SEMA6A: variants seen among roughly 807,000 people sequenced by gnomAD.
The protein encoded by SEMA6A is semaphorin-6A.
In SEMA6A, 25 loss-of-function variants were observed where a neutral mutation model predicts 96.8. The ratio of observed to expected loss-of-function variants is 0.26; its 90% CI spans 0.19 to 0.36. The LOEUF (loss-of-function observed/expected upper bound fraction) is 0.36. Ranked by LOEUF, SEMA6A falls within the 10% of genes least tolerant of loss-of-function variation. The pLI, the probability that SEMA6A is intolerant of heterozygous loss-of-function variation, is 1.00. For synonymous variants in SEMA6A, 612 were observed against 518.0 expected, an observed-to-expected ratio of 1.18 and a Z score of -2.46; for missense variants, 1,363 against 1,323.1, an observed-to-expected ratio of 1.03 and a Z score of -0.47.
At chr5:116,505,922 C>T (rs1758124885) in intron 1 of SEMA6A, among the ~76,000 whole-genome samples, 1 of 150,706 alleles carries the variant, frequency 6.6e-6, no homozygotes, top group Admixed American at 6.6e-5. Context: ...TCACTTAATT[C>T]TCAGGCATAT....
intron 1 of SEMA6A, among the ~76,000 whole-genome samples, chr5:116,514,607 T>C (rs973243889): frequency 6.6e-6 from 1 of 152,198 alleles, no homozygotes; most frequent in Non-Finnish European, 1.5e-5. Flanking sequence ...TTGCCGAATG[T>C]AGGACAGCTC....
chr5:116,573,974 C>A (rs1761354240), intron 1 of SEMA6A, among the ~76,000 whole-genome samples: 1 of 151,642 alleles, frequency 6.6e-6, no homozygotes, highest in South Asian at 2.1e-4. Context: ...TGGAGCCGGA[C>A]GCACTCTGGG....
At chr5:116,535,978 TTCTACTGACTCAAA>T (rs1759689265) in intron 1 of SEMA6A, among the ~76,000 whole-genome samples, 1 of 152,216 alleles carries the variant, frequency 6.6e-6, no homozygotes, top group South Asian at 2.1e-4. Flanking sequence ...GTCAACTCAA[TTCTACTGACTCAAA>T]AGGAAATGGT....
chr5:116,488,860 A>T, intron 8 of SEMA6A, 28 bp downstream of exon 8: 1 of 1,542,668 alleles, frequency 6.5e-7, no homozygotes, highest in Non-Finnish European at 8.8e-7. Flanking sequence ...CTCCCCTCCG[A>T]CCCTCCTTCT....
At chr5:116,472,827 T>A (rs1212429601) in intron 17 of SEMA6A, 1 of 1,298,748 alleles carries the variant, frequency 7.7e-7, no homozygotes, top group Non-Finnish European at 1.0e-6. Flanking sequence ...AACTATAAAC[T>A]ACTGCTGGAT....
intron 1 of SEMA6A, among the ~76,000 whole-genome samples, chr5:116,533,257 CTTT>C (rs77196415): frequency 2.8e-5 from 4 of 140,886 alleles, no homozygotes; most frequent in African/African-American, 2.6e-5. Context: ...TTTGTTTTTC[CTTT>C]TTTTTTTTTT....
intron 1 of SEMA6A, among the ~76,000 whole-genome samples, chr5:116,561,545 C>A (rs1760817947): frequency 6.6e-6 from 1 of 152,238 alleles, no homozygotes; most frequent in Non-Finnish European, 1.5e-5. Flanking sequence ...TGATGACATG[C>A]ATTGTCCTAT....
At chr5:116,472,693 C>T (rs1411606490) in intron 17 of SEMA6A, 4 of 499,958 alleles carry the variant, frequency 8.0e-6, no homozygotes, top group Non-Finnish European at 1.4e-5. Context: ...AGGACTCAGT[C>T]TCCCACATCA....
rs142084427 is a variant in SEMA6A at position 116,503,128 on chromosome 5, C to T, written c.101-801G>A. ...CTCAACATCTCTGCCTTTACACCTA[C>T]GATCTCCAGAGCACTGGCGAGCCTC... On this transcript the variant is annotated intron_variant, in intron 2 of 18. Transcript: ENST00000343348. Among the ~76,000 whole-genome samples, 209 of 152,240 alleles carry T rather than the reference C, an allele frequency of 1.4e-3. 2 individuals are homozygous for T. Among genetic ancestry groups the T allele is most frequent in the South Asian group, 9.5e-3 (46 of 4,822 alleles).
chr5:116,458,826 T>C (rs1335024071), intron 18 of SEMA6A, among the ~76,000 whole-genome samples: 2 of 152,106 alleles, frequency 1.3e-5, no homozygotes, highest in African/African-American at 4.8e-5. Context: ...TTATATCAAA[T>C]CTACATCTAT....
At chr5:116,473,750 C>T (rs907148346) in intron 16 of SEMA6A, among the ~76,000 whole-genome samples, 1 of 152,172 alleles carries the variant, frequency 6.6e-6, no homozygotes, top group Non-Finnish European at 1.5e-5. Flanking sequence ...GAAATCCTCC[C>T]TGAATACCTA....
chr5:116,514,155 C>A (rs990316727), intron 1 of SEMA6A, among the ~76,000 whole-genome samples: 1 of 152,122 alleles, frequency 6.6e-6, no homozygotes, highest in Admixed American at 6.5e-5. Flanking sequence ...TACCCAGTAA[C>A]GAGATTGCTG....
chr5:116,497,208 A>C, intron 4 of SEMA6A, 119 bp downstream of exon 4: 2 of 613,120 alleles, frequency 3.3e-6, no homozygotes, highest in South Asian at 2.4e-5. Flanking sequence ...CACAAAATGC[A>C]TGTTGGCATC....
At chr5:116,495,664 C>A in intron 5 of SEMA6A, 150 bp from the exon 6 acceptor site, 1 of 585,414 alleles carries the variant, frequency 1.7e-6, no homozygotes. Flanking sequence ...CTGATGTTAA[C>A]CACAAGATGA....
In SEMA6A at chr5:116,548,448, T is replaced by C. The variant is rs116206553; in HGVS notation, c.-39+25737A>G. Among the ~76,000 whole-genome samples the C allele has an allele frequency of 7.3e-3, 1,106 of 152,266 alleles. 5 individuals carry two copies. Among genetic ancestry groups the C allele is most frequent in the African/African-American group, 0.025 (1,049 of 41,536 alleles). On this transcript the variant is annotated intron_variant, in intron 1 of 18. Coordinates refer to ENST00000343348, the MANE Select transcript of SEMA6A (RefSeq NM_020796.5). The stretch of plus-strand genomic sequence containing the variant: ...TACAGGCTGTGAATACATCTCAGGG[T>C]TTCTGGGAGTCAGGAATTATAAAAC...
intron 3 of SEMA6A, among the ~76,000 whole-genome samples, chr5:116,501,494 C>G (rs1757878348): frequency 6.6e-6 from 1 of 152,106 alleles, no homozygotes; most frequent in South Asian, 2.1e-4. Flanking sequence ...TATAGATTAT[C>G]AATGATATAT....
Position 116,443,761 on chromosome 5 carries a change from G to A in SEMA6A, c.*2852C>T, listed in dbSNP as rs1037101040. The A allele has an allele frequency of 2.6e-5, 4 of 152,552 alleles. No individual in the cohort carries two copies. Among genetic ancestry groups the A allele is most frequent in the African/African-American group, 9.7e-5 (4 of 41,408 alleles). 9.4% of individuals were successfully genotyped at this position (152,552 alleles called of 1,614,324 possible). A position where few individuals can be genotyped will look rare whatever the true frequency, so the allele number is the denominator to read the frequency against. On this transcript the variant is annotated 3_prime_UTR_variant, in exon 19 of 19. Coordinates refer to ENST00000343348, the MANE Select transcript of SEMA6A (RefSeq NM_020796.5). ...TTACAACAAATATAAATCTGAGTTT[G>A]TTGCATCTACCAGTGTCTAGCAAGG...
chr5:116,556,121 T>C (rs1760595909), intron 1 of SEMA6A, among the ~76,000 whole-genome samples: 1 of 152,058 alleles, frequency 6.6e-6, no homozygotes, highest in African/African-American at 2.4e-5. Flanking sequence ...ATAACAACTG[T>C]AGCAAAACAT....
intron 1 of SEMA6A, chr5:116,562,986 G>C: frequency 3.5e-6 from 2 of 567,166 alleles, no homozygotes; most frequent in Non-Finnish European, 6.8e-6. Flanking sequence ...CCCGCAGGAA[G>C]GGGGGTCGCC....
Sources: gnomAD v4.1 joint callset for allele counts (sites outside exome capture counted in the v4.1 genomes callset) on GRCh38, gnomAD v4.1.1 for gene constraint, MANE v1.5 for transcripts, NCBI Gene and HGNC (gene_info 2026-07-23, HGNC 2026-07-21) for gene names.